Variants in DSC3 observed in about 807,000 individuals in gnomAD.
DSC3 encodes desmocollin-3.
DSC3 carries 97 observed loss-of-function variants against 89.5 expected under a neutral mutation model. That is an observed-to-expected ratio of 1.08 (90% confidence interval 0.92 to 1.28). The LOEUF (loss-of-function observed/expected upper bound fraction) is 1.28, where lower values mean the gene tolerates loss of function less well. Among genes scored for constraint, DSC3 ranks in the 50% most tolerant of loss-of-function variants. The pLI, the probability that DSC3 is intolerant of heterozygous loss-of-function variation, is 0.00. For missense variants in DSC3, 1,199 were observed against 1,085.3 expected (o/e 1.10, Z -1.47); for synonymous variants, 436 against 384.1 (o/e 1.14, Z -1.58).
chr18:31,016,486 C>G (rs371737218), intron 9 of DSC3, among the ~76,000 whole-genome samples: 1 of 152,172 alleles, frequency 6.6e-6, no homozygotes, highest in Non-Finnish European at 1.5e-5. Flanking sequence ...AAACATATGC[C>G]TGTACTACCT....
chr18:30,993,994 A>G lies in DSC3; in HGVS notation c.*181T>C, dbSNP rs949802916. On this transcript the variant is annotated 3_prime_UTR_variant, in exon 16 of 16. Coordinates refer to ENST00000360428, the MANE Select transcript of DSC3 (RefSeq NM_001941.5). Reference sequence around the variant, plus strand: ...AGATTTACCAGTTGTCTGTTTTAACATTTTTCACTTTTTGGAAAAGATAAG... The same window carrying G: ...AGATTTACCAGTTGTCTGTTTTAACGTTTTTCACTTTTTGGAAAAGATAAG... The G allele has an allele frequency of 3.4e-5, 21 of 609,502 alleles. No individual in the cohort carries two copies. In the Admixed American group the frequency reaches 6.2e-4, roughly 18 times the overall value. 37.8% of individuals were successfully genotyped at this position (609,502 alleles called of 1,614,324 possible).
At chr18:31,032,349 T>TA (rs1985820539) in intron 1 of DSC3, 73 bp from the exon 2 acceptor site, 3 of 1,204,474 alleles carry the variant, frequency 2.5e-6, no homozygotes, top group Non-Finnish European at 3.6e-6. Context: ...TCAATAGATG[T>TA]AAAACAAGCA....
rs1461762242 is a variant in DSC3 at position 31,001,642 on chromosome 18, T to A, written c.2211A>T (p.Thr737=). The part of the protein sequence containing the change: ...LAQQNLIISN[T]EAPGDDRVCS... ...CCACTCTATCGTCTCCAGGTGCTTC[T>A]GTGTTTGATATAATTAAGTTTTGCT... The change falls in exon 14 of 16, where the codon ACA becomes ACT. Residue 737 remains threonine (T), a synonymous_variant. Transcript: ENST00000360428. 3 of 1,611,134 alleles carry A rather than the reference T, an allele frequency of 1.9e-6. No homozygotes were observed. The Admixed American group carries it at 5.0e-5, about 27-fold the overall frequency.
At chr18:31,017,392 G>A (rs1441689351) in intron 9 of DSC3, among the ~76,000 whole-genome samples, 2 of 152,146 alleles carry the variant, frequency 1.3e-5, no homozygotes, top group East Asian at 3.9e-4. Flanking sequence ...TTCTGGGCTA[G>A]AAGTATAAAA....
intron 14 of DSC3, among the ~76,000 whole-genome samples, chr18:31,001,264 GC>G (rs1984650368): frequency 6.6e-6 from 1 of 151,546 alleles, no homozygotes; most frequent in Admixed American, 6.6e-5. Flanking sequence ...CTTTTAGCAA[GC>G]TTTTTTCCCC....
chr18:31,023,926 A>C (rs1985508264), intron 6 of DSC3, among the ~76,000 whole-genome samples: 1 of 152,124 alleles, frequency 6.6e-6, no homozygotes, highest in Admixed American at 6.6e-5. Context: ...CATAAAAAAA[A>C]CTGTACCCTT....
intron 9 of DSC3, among the ~76,000 whole-genome samples, chr18:31,010,123 A>C (rs1985008102): frequency 6.6e-6 from 1 of 152,250 alleles, no homozygotes; most frequent in African/African-American, 2.4e-5. Context: ...CTCCACACCT[A>C]GGTATTAACA....
intron 7 of DSC3, among the ~76,000 whole-genome samples, chr18:31,019,463 G>A (rs1015714658): frequency 6.6e-5 from 10 of 152,288 alleles, no homozygotes; most frequent in African/African-American, 1.9e-4. Flanking sequence ...AAAAATCAAA[G>A]CAGTTAGTTG....
intron 12 of DSC3, 114 bp from the exon 13 acceptor site, chr18:31,004,480 G>T: frequency 1.1e-6 from 1 of 896,034 alleles, no homozygotes. Context: ...CCTGCCAGAT[G>T]AAAATAAATA....
chr18:31,042,530 A>G, intron 1 of DSC3, 62 bp downstream of exon 1: 1 of 1,485,968 alleles, frequency 6.7e-7, no homozygotes, highest in Non-Finnish European at 9.2e-7. Flanking sequence ...AGCTCCGTGC[A>G]GCGTCCAGGG....
chr18:31,013,865 T>C (rs778266157), intron 9 of DSC3, among the ~76,000 whole-genome samples: 15 of 152,172 alleles, frequency 9.9e-5, no homozygotes, highest in Non-Finnish European at 7.4e-5. Flanking sequence ...AAAATAGCCA[T>C]GTCCTTGACT....
rs1403769632 is a variant in DSC3 at position 30,991,864 on chromosome 18, C to G, written c.*2311G>C. 6.6e-6 allele frequency: 1 copy of G among 152,080 alleles called. No homozygotes were observed. Among genetic ancestry groups the G allele is most frequent in the Non-Finnish European group, 1.5e-5 (1 of 68,030 alleles). The allele number at this position is 152,080 out of a possible 1,614,324, so 9.4% of individuals were successfully genotyped here. ...TCAAAATGATTACATTAAAAGAAGA[C>G]GACTTTAAACGGAAAACAAGGCCGG... On this transcript the variant is annotated 3_prime_UTR_variant, in exon 16 of 16. Transcript: ENST00000360428.
chr18:30,998,810 G>C (rs1014079148), intron 14 of DSC3, among the ~76,000 whole-genome samples: 15 of 152,090 alleles, frequency 9.9e-5, no homozygotes, highest in Non-Finnish European at 1.9e-4. Context: ...ATCACAGCAA[G>C]GTAAGAATGG....
Position 31,022,359 on chromosome 18 carries a change from C to T in DSC3, c.919G>A (p.Val307Ile). 1.2e-6 allele frequency: 2 copies of T among 1,613,952 alleles called. No homozygotes were observed. Among genetic ancestry groups the T allele is most frequent in the East Asian group, 2.2e-5 (1 of 44,864 alleles). Residue 307 changes from valine to isoleucine, a missense_variant, in exon 7 of 16, where the codon GTC becomes ATC. Val to Ile is a conservative substitution (Grantham distance 29, BLOSUM62 3). Coordinates refer to ENST00000360428, the MANE Select transcript of DSC3 (RefSeq NM_001941.5). ...ACCTCTCTGTCCAAATAATGAGAGA[C>T]TGTGGTGATTACGCCTGTGCTGGGA... ...VHPSTGVITT[V>I]SHYLDREVVD... is the part of the protein sequence containing the mutation.
At position 30,996,907 on chromosome 18, in the gene DSC3, G is replaced by A. The variant is rs369025868; in HGVS notation, c.2377C>T (p.Arg793Trp). ...KGGNQTLESC[R>W]GAGHHHTLDS... ...AGGGTATGATGATGCCCAGCCCCCC[G>A]GCAGGATTCCAAGGTCTGGTTTCCT... Residue 793 changes from arginine (R) to tryptophan (W), a missense_variant, in exon 15 of 16, where the codon CGG (arginine) becomes TGG (tryptophan). Coordinates refer to ENST00000360428, the MANE Select transcript of DSC3 (RefSeq NM_001941.5). 17 of 1,613,722 alleles carry A rather than the reference G, an allele frequency of 1.1e-5. No individual in the cohort carries two copies. The highest frequency in any genetic ancestry group is 3.3e-5 in the Admixed American group (2 of 59,960).
At chr18:31,007,618 G>A (rs1332534492) in intron 11 of DSC3, among the ~76,000 whole-genome samples, 3 of 152,072 alleles carry the variant, frequency 2.0e-5, no homozygotes, top group African/African-American at 7.2e-5. Context: ...AAAAACTCTA[G>A]GTTACTTTAA....
intron 12 of DSC3, among the ~76,000 whole-genome samples, chr18:31,005,000 A>G (rs566246815): frequency 6.6e-6 from 1 of 152,296 alleles, no homozygotes; most frequent in South Asian, 2.1e-4. Context: ...CAACTAACCA[A>G]AAGCTCCACA....
At position 31,042,731 on chromosome 18, in the gene DSC3, A is replaced by G; in HGVS notation, c.-71T>C. 1.4e-6 allele frequency: 2 copies of G among 1,380,160 alleles called. No individual in the cohort carries two copies. The highest frequency in any genetic ancestry group is 2.5e-5 in the East Asian group (1 of 39,986). 85.5% of individuals were successfully genotyped at this position (1,380,160 alleles called of 1,614,324 possible). A position where few individuals can be genotyped will look rare whatever the true frequency, so the allele number is the denominator to read the frequency against. On this transcript the variant is annotated 5_prime_UTR_variant, in exon 1 of 16. Transcript: ENST00000360428. Reference sequence around the variant, plus strand: ...CCGAGAGCGAGACCTGCCGAGGTGCAGGGCGCGGGAGGTGCTTTTCTCGCC... The same window carrying G: ...CCGAGAGCGAGACCTGCCGAGGTGCGGGGCGCGGGAGGTGCTTTTCTCGCC...
Position 30,994,375 on chromosome 18 carries a change from G to A in DSC3, c.2494-3C>T. ...TTCTGATTACATCGATGCAATTTCT[G>A]TAAAATTTTTTAAAAAATGAATTGC... On this transcript the variant is annotated splice_polypyrimidine_tract_variant and splice_region_variant and intron_variant, in intron 15 of 15. Transcript: ENST00000360428. The A allele has an allele frequency of 6.2e-7, 1 of 1,613,140 alleles. No homozygotes were observed. Among genetic ancestry groups the A allele is most frequent in the Non-Finnish European group, 8.5e-7 (1 of 1,179,560 alleles).
Sources: gnomAD v4.1 joint callset for allele counts (sites outside exome capture counted in the v4.1 genomes callset) on GRCh38, gnomAD v4.1.1 for gene constraint, MANE v1.5 for transcripts, NCBI Gene and HGNC (gene_info 2026-07-23, HGNC 2026-07-21) for gene names.